The following AKAP1 variants were observed in gnomAD, a reference collection of about 807,000 sequenced individuals.
The protein encoded by AKAP1 is A-kinase anchor protein 1, mitochondrial.
A neutral mutation model predicts 79.8 loss-of-function variants in AKAP1; 32 were observed. The ratio of observed to expected loss-of-function variants is 0.40; its 90% CI spans 0.30 to 0.54. AKAP1 has a LOEUF of 0.54. Among genes scored for constraint, AKAP1 ranks in the 20% least tolerant of loss-of-function variants. The pLI, the probability that AKAP1 is intolerant of heterozygous loss-of-function variation, is 0.47. For missense variants in AKAP1, 961 were observed against 1,138.9 expected (o/e 0.84, Z 2.25); for synonymous variants, 416 against 466.7 (o/e 0.89, Z 1.40).
In AKAP1 at chr17:57,105,607, T is replaced by C; in HGVS notation, c.143T>C (p.Leu48Pro). The change falls in exon 2 of 11, where the codon CTG becomes CCG. Residue 48 changes from leucine (L) to proline (P), a missense_variant. Around this residue, in one of 3 missense-constraint regions of AKAP1, gnomAD observed 108 missense variants for 147.6 expected, o/e 0.73. Transcript: ENST00000337714. ...EQQVEAGAVQ[L>P]RADPAIKEPL... ...CAGGTGGAGGCTGGTGCTGTGCAGC[T>C]GAGGGCTGACCCTGCCATCAAGGAA... is the stretch of plus-strand genomic sequence containing the variant. The C allele has an allele frequency of 6.2e-7, 1 of 1,614,140 alleles. No individual in the cohort carries two copies. The highest frequency in any genetic ancestry group is 8.5e-7 in the Non-Finnish European group (1 of 1,180,028).
At chr17:57,108,912 CCT>C (rs1228212743) in intron 2 of AKAP1, among the ~76,000 whole-genome samples, 2 of 152,234 alleles carry the variant, frequency 1.3e-5, no homozygotes, top group East Asian at 1.9e-4. Context: ...TCGCCCAGCC[CCT>C]GTCAGCCTGT....
rs778990131 is a variant in AKAP1, at chr17:57,106,430, G to A, written c.966G>A (p.Glu322=). The change falls in exon 2 of 11, where the codon GAG becomes GAA. Residue 322 remains glutamate (E), a synonymous_variant. Transcript: ENST00000337714. ...AGGAGGGCTTGGATAGAAATGAGGA[G>A]GGCTTGGATAGAAATGAGGAGAGCT... ...RNEEGLDRNE[E]GLDRNEESLD... The A allele has an allele frequency of 2.0e-6, 3 of 1,483,130 alleles. No individual in the cohort carries two copies. In the South Asian group the frequency reaches 3.4e-5, roughly 17 times the overall value. 91.9% of individuals were successfully genotyped at this position (1,483,130 alleles called of 1,614,324 possible). A position where few individuals can be genotyped will look rare whatever the true frequency, so the allele number is the denominator to read the frequency against.
chr17:57,118,523 C>A (rs1000043703), intron 9 of AKAP1, 69 bp downstream of exon 9: 9 of 1,510,790 alleles, frequency 6.0e-6, no homozygotes, highest in Admixed American at 5.0e-5. Flanking sequence ...TCAATGCCTT[C>A]TTTCCTGTGG....
chr17:57,103,030 G>A (rs1161105296), intron 1 of AKAP1, among the ~76,000 whole-genome samples: 4 of 151,684 alleles, frequency 2.6e-5, no homozygotes, highest in Non-Finnish European at 5.9e-5. Context: ...AATGAGCCGA[G>A]ATCACACCAC....
rs755020884 is a variant in AKAP1 at position 57,105,772 on chromosome 17, G to A, written c.308G>A (p.Arg103Gln). The A allele has an allele frequency of 4.3e-5, 69 of 1,614,058 alleles. No individual in the cohort carries two copies. Among genetic ancestry groups the A allele is most frequent in the South Asian group, 6.6e-5 (6 of 91,094 alleles). ...PALLQTHPPC[R>Q]RSESSGILPN... Reference sequence around the variant, plus strand: ...TTGCTCCAGACACACCCACCTTGCCGAAGATCAGAGTCCTCGGGCATTCTT... The same window carrying A: ...TTGCTCCAGACACACCCACCTTGCCAAAGATCAGAGTCCTCGGGCATTCTT... The change falls in exon 2 of 11, where the codon CGA (arginine) becomes CAA (glutamine). Residue 103 changes from arginine to glutamine, a missense_variant. Physicochemically the swap from Arg to Gln is conservative, Grantham distance 43. Transcript: ENST00000337714.
At chr17:57,088,802 T>C (rs1913608906) in intron 1 of AKAP1, among the ~76,000 whole-genome samples, 1 of 152,238 alleles carries the variant, frequency 6.6e-6, no homozygotes, top group Admixed American at 6.5e-5. Flanking sequence ...GTCCACATTC[T>C]GTCCGGGTCT....
rs73991770 is a variant in AKAP1 at position 57,106,116 on chromosome 17, G to A, written c.652G>A (p.Ala218Thr). Residue 218 changes from alanine to threonine, a missense_variant, in exon 2 of 11, where the codon GCT (alanine) becomes ACT (threonine). This residue lies in a region of AKAP1 where 224 missense variants were observed against 210.2 expected (regional missense o/e 1.07). Coordinates refer to ENST00000337714, the MANE Select transcript of AKAP1 (RefSeq NM_003488.4). Reference protein sequence around the residue: ...AVLGEKVLEEALLSREHVLEL... With the variant: ...AVLGEKVLEETLLSREHVLEL... ...GTTGGGGGAAAAGGTGCTTGAAGAA[G>A]CTCTGTTGTCTCGGGAGCATGTCTT... 14,003 of 1,606,984 alleles carry A rather than the reference G, an allele frequency of 8.7e-3. 65 individuals carry two copies. Among genetic ancestry groups the A allele is most frequent in the Middle Eastern group, 0.016 (95 of 6,028 alleles).
At chr17:57,092,493 G>T in intron 1 of AKAP1, 1 of 152,394 alleles carries the variant, frequency 6.6e-6, no homozygotes, top group Non-Finnish European at 1.5e-5. Flanking sequence ...GGGAGCCTGA[G>T]AGTAAGGGGG....
rs1567913102 is a variant in AKAP1, at chr17:57,112,659, CCCCCAAACCTA to C, written c.2103+50_2103+60del. The C allele has an allele frequency of 4.5e-6, 7 of 1,565,504 alleles. No individual in the cohort carries two copies. In the Admixed American group the frequency reaches 5.7e-5, roughly 13 times the overall value. On this transcript the variant is annotated intron_variant, in intron 5 of 10. Coordinates refer to ENST00000337714, the MANE Select transcript of AKAP1 (RefSeq NM_003488.4). The stretch of plus-strand genomic sequence containing the variant: ...GGTGATCCGGACTTCTTGCCACTTT[CCCCCAAACCTA>C]CCCCAAACAAGAAACTCCCCAGACC...
intron 1 of AKAP1, among the ~76,000 whole-genome samples, chr17:57,101,406 G>T (rs1914502735): frequency 6.6e-6 from 1 of 151,974 alleles, no homozygotes; most frequent in Non-Finnish European, 1.5e-5. Flanking sequence ...CAAACTCCTG[G>T]CCTCAAGCGA....
intron 1 of AKAP1, among the ~76,000 whole-genome samples, chr17:57,103,662 T>G (rs1330943168): frequency 6.6e-6 from 1 of 152,254 alleles, no homozygotes; most frequent in Admixed American, 6.5e-5. Flanking sequence ...TAATTCAGCT[T>G]GTCAGTTGAA....
chr17:57,118,333 C>T, intron 8 of AKAP1, 48 bp from the exon 9 acceptor site: 1 of 1,578,524 alleles, frequency 6.3e-7, no homozygotes, highest in East Asian at 2.2e-5. Flanking sequence ...ACAAGGGTGC[C>T]TTGCCTCAGT....
At position 57,106,098 on chromosome 17, in the gene AKAP1, GA is replaced by G; in HGVS notation, c.638del (p.Lys213ArgfsTer27). ...AGGGACTGGTGATGCCGTGTTGGGG[GA>G]AAAGGTGCTTGAAGAAGCTCTGTTG... ...AEGTGDAVLG[E>X]KVLEEALLSR... On this transcript the variant is annotated frameshift_variant, in exon 2 of 11. Coordinates refer to ENST00000337714, the MANE Select transcript of AKAP1 (RefSeq NM_003488.4). LOFTEE classifies it high-confidence loss of function. 1.2e-6 allele frequency: 2 copies of G among 1,605,932 alleles called. No individual in the cohort carries two copies. Among genetic ancestry groups the G allele is most frequent in the South Asian group, 1.1e-5 (1 of 90,302 alleles).
intron 2 of AKAP1, chr17:57,108,064 C>A: frequency 8.5e-7 from 1 of 1,175,244 alleles, no homozygotes. Context: ...CAGCTCCTGA[C>A]CCTGCTTCTG....
At chr17:57,091,448 A>G (rs1470502875) in intron 1 of AKAP1, among the ~76,000 whole-genome samples, 1 of 151,368 alleles carries the variant, frequency 6.6e-6, no homozygotes, top group Non-Finnish European at 1.5e-5. Flanking sequence ...GAAGCTGCCA[A>G]GGGGTGTGTG....
chr17:57,119,838 T>TTTTTTTTTTTTTTTTTTTTTTTTG, intron 10 of AKAP1, among the ~76,000 whole-genome samples: 1 of 119,212 alleles, frequency 8.4e-6, no homozygotes, highest in African/African-American at 3.3e-5. Context: ...CTCTTTTTTT[T>TTTTTTTTTTTTTTTTTTTTTTTTG]TTTTTTTTTT....
At chr17:57,101,748 A>G (rs1433429079) in intron 1 of AKAP1, 1 of 152,216 alleles carries the variant, frequency 6.6e-6, no homozygotes, top group Non-Finnish European at 1.5e-5. Flanking sequence ...ATCCCAAGGA[A>G]ATCTACTAAA....
At chr17:57,109,913 G>C (rs922896545) in intron 2 of AKAP1, 112 bp from the exon 3 acceptor site, 4 of 1,399,408 alleles carry the variant, frequency 2.9e-6, no homozygotes, top group Non-Finnish European at 3.9e-6. Context: ...CAAGCTTGAG[G>C]AGCGGGTGTG....
At chr17:57,108,875 T>G (rs1915062689) in intron 2 of AKAP1, among the ~76,000 whole-genome samples, 1 of 152,202 alleles carries the variant, frequency 6.6e-6, no homozygotes, top group East Asian at 1.9e-4. Context: ...GGCTGGATAC[T>G]GTGAGTGAGC....
Sources: allele counts gnomAD v4.1 joint callset (sites outside exome capture counted in the v4.1 genomes callset), GRCh38; gene constraint gnomAD v4.1.1; regional missense constraint gnomAD v4.1.1; transcripts MANE v1.5; gene names NCBI Gene and HGNC (gene_info 2026-07-23, HGNC 2026-07-21).